The following RSPO2 variants were observed in gnomAD, a reference collection of about 807,000 sequenced individuals.
The protein encoded by RSPO2 is R-spondin 2.
RSPO2 carries 14 observed loss-of-function variants against 30.9 expected under a neutral mutation model. The observed-to-expected ratio is 0.45, with a 90% CI of 0.30 to 0.71. The LOEUF is 0.71. Ranked by LOEUF, RSPO2 falls within the 30% of genes least tolerant of loss-of-function variation. RSPO2 has a pLI of 0.08. For missense variants in RSPO2, 264 were observed against 301.9 expected, an observed-to-expected ratio of 0.87 and a Z score of 0.93; for synonymous variants, 107 against 96.4, an observed-to-expected ratio of 1.11 and a Z score of -0.64.
chr8:107,992,927 C>T (rs1814894350), intron 2 of RSPO2, among the ~76,000 whole-genome samples: 1 of 151,954 alleles, frequency 6.6e-6, no homozygotes, highest in Non-Finnish European at 1.5e-5. Context: ...TTTTTTAAAG[C>T]ATTAACTAAA....
intron 2 of RSPO2, among the ~76,000 whole-genome samples, chr8:108,007,661 C>T (rs1437902048): frequency 1.3e-5 from 2 of 152,110 alleles, no homozygotes; most frequent in Non-Finnish European, 2.9e-5. Context: ...CCATTTCTTC[C>T]TCTTTAAAAA....
chr8:107,981,187 CT>C (rs200552470), intron 3 of RSPO2, among the ~76,000 whole-genome samples: 86 of 151,434 alleles, frequency 5.7e-4, no homozygotes, highest in African/African-American at 9.7e-4. Context: ...AATACCTAGA[CT>C]TTTTTTTTCC....
At chr8:108,057,470 T>TA (rs148832735) in intron 2 of RSPO2, among the ~76,000 whole-genome samples, 3,931 of 152,108 alleles carry the variant, frequency 0.026, 157 homozygotes, top group African/African-American at 0.087. Context: ...TAAGTGGCTA[T>TA]AAAAAAAATC....
chr8:107,918,360 T>C (rs572532746), intron 5 of RSPO2, among the ~76,000 whole-genome samples: 2 of 152,312 alleles, frequency 1.3e-5, no homozygotes, highest in Admixed American at 1.3e-4. Context: ...ATCTGTTTTC[T>C]TTGTAATGGG....
chr8:107,975,897 T>G (rs1350965362), intron 3 of RSPO2, among the ~76,000 whole-genome samples: 3 of 152,204 alleles, frequency 2.0e-5, no homozygotes, highest in Non-Finnish European at 4.4e-5. Context: ...AGATTTGGCA[T>G]GTAATAGTAT....
chr8:108,050,383 C>T (rs1221871300), intron 2 of RSPO2, among the ~76,000 whole-genome samples: 1 of 152,008 alleles, frequency 6.6e-6, no homozygotes, highest in African/African-American at 2.4e-5. Context: ...GAATAATCTC[C>T]TGTTTCTTTC....
intron 3 of RSPO2, among the ~76,000 whole-genome samples, chr8:107,981,187 C>CT (rs200552470): frequency 4.6e-5 from 7 of 151,322 alleles, no homozygotes; most frequent in South Asian, 2.1e-4. Flanking sequence ...AATACCTAGA[C>CT]TTTTTTTTTC....
Position 107,907,652 on chromosome 8 carries a change from C to T in RSPO2, c.617-6462G>A, listed in dbSNP as rs540501339. On this transcript the variant is annotated intron_variant, in intron 5 of 5. Coordinates refer to ENST00000276659, the MANE Select transcript of RSPO2 (RefSeq NM_178565.5). ...GGTGACAACTGTCCAAAATAAATAACGGACAAAATTTACTTCTCTCAACAT... is the reference window on the plus strand; with the variant it reads ...GGTGACAACTGTCCAAAATAAATAATGGACAAAATTTACTTCTCTCAACAT... Among the ~76,000 whole-genome samples the T allele has an allele frequency of 5.3e-5, 8 of 152,112 alleles. No homozygotes were observed. In the South Asian group the frequency reaches 1.0e-3, roughly 20 times the overall value.
intron 2 of RSPO2, among the ~76,000 whole-genome samples, chr8:108,053,658 G>A (rs1352867993): frequency 1.3e-5 from 2 of 152,024 alleles, no homozygotes; most frequent in African/African-American, 4.8e-5. Flanking sequence ...TCTAGTTATA[G>A]GCATGTAACT....
chr8:108,079,898 T>C (rs1319492645), intron 2 of RSPO2, among the ~76,000 whole-genome samples: 1 of 152,208 alleles, frequency 6.6e-6, no homozygotes, highest in Non-Finnish European at 1.5e-5. Context: ...AAGGGAAATG[T>C]TGGTATCACA....
At chr8:107,916,213 A>G (rs1200076363) in intron 5 of RSPO2, among the ~76,000 whole-genome samples, 3 of 152,198 alleles carry the variant, frequency 2.0e-5, no homozygotes, top group African/African-American at 4.8e-5. Flanking sequence ...TTTGGTCTAA[A>G]TTAAGGTCAT....
rs576712263 is a variant in RSPO2 at position 107,902,569 on chromosome 8, A to G, written c.617-1379T>C. ...TCTAGGGAGATACATGAATTAGGAAACCAGAGTCATACAAGGTTAAGGAAG... is the reference window on the plus strand; with the variant it reads ...TCTAGGGAGATACATGAATTAGGAAGCCAGAGTCATACAAGGTTAAGGAAG... On this transcript the variant is annotated intron_variant, in intron 5 of 5. Coordinates refer to ENST00000276659, the MANE Select transcript of RSPO2 (RefSeq NM_178565.5). Among the ~76,000 whole-genome samples, 3 of 152,208 alleles carry G rather than the reference A, an allele frequency of 2.0e-5. No individual in the cohort carries two copies. The South Asian group carries it at 6.2e-4, about 32-fold the overall frequency.
rs549262660 is a variant in RSPO2 at position 107,935,108 on chromosome 8, T to C, written c.616+22972A>G. Among the ~76,000 whole-genome samples, 8 of 152,274 alleles carry C rather than the reference T, an allele frequency of 5.3e-5. No homozygotes were observed. In the East Asian group the frequency reaches 1.6e-3, roughly 30 times the overall value. ...GCCTGCGGGGCGGGACAGAACAGAA[T>C]AGTATTTCTCTTCTTACAAAAGTGA... On this transcript the variant is annotated intron_variant, in intron 5 of 5. Transcript: ENST00000276659.
At chr8:108,038,868 G>A (rs939154741) in intron 2 of RSPO2, among the ~76,000 whole-genome samples, 8 of 152,002 alleles carry the variant, frequency 5.3e-5, no homozygotes, top group Non-Finnish European at 1.0e-4. Context: ...ACATATGCAC[G>A]AAGAAACCAA....
chr8:108,032,911 G>A (rs1288811310), intron 2 of RSPO2, among the ~76,000 whole-genome samples: 3 of 151,790 alleles, frequency 2.0e-5, no homozygotes, highest in Non-Finnish European at 2.9e-5. Context: ...TTAGCCGGGT[G>A]TGGTGGCAGG....
chr8:108,034,369 A>G (rs1811524994), intron 2 of RSPO2, among the ~76,000 whole-genome samples: 1 of 152,142 alleles, frequency 6.6e-6, no homozygotes, highest in Non-Finnish European at 1.5e-5. Context: ...GTATTCAGTG[A>G]CCCTGAGGAA....
intron 5 of RSPO2, among the ~76,000 whole-genome samples, chr8:107,926,102 T>C (rs999027295): frequency 6.6e-6 from 1 of 152,164 alleles, no homozygotes; most frequent in Non-Finnish European, 1.5e-5. Context: ...CCATTCTAAA[T>C]GGTGTGAGAT....
At position 108,083,212 on chromosome 8, in the gene RSPO2, G is replaced by C. The variant is rs1813271177; in HGVS notation, c.-185C>G. 1 of 152,336 alleles carries C rather than the reference G, an allele frequency of 6.6e-6. No homozygotes were observed. Among genetic ancestry groups the C allele is most frequent in the South Asian group, 2.1e-4 (1 of 4,840 alleles). The allele number at this position is 152,336 out of a possible 1,614,324, so 9.4% of individuals were successfully genotyped here. On this transcript the variant is annotated 5_prime_UTR_variant, in exon 1 of 6. Transcript: ENST00000276659. ...GGTTGCCTACCGTGCGCACGTCTCG[G>C]GCGGCGCGGCCTCCCTAGGCGCGGT...
intron 2 of RSPO2, among the ~76,000 whole-genome samples, chr8:108,023,716 A>G (rs1167624163): frequency 6.6e-6 from 1 of 152,154 alleles, no homozygotes; most frequent in Non-Finnish European, 1.5e-5. Flanking sequence ...GGTAATAGAT[A>G]TTAGACAAAC....
Sources: allele counts gnomAD v4.1 joint callset (sites outside exome capture counted in the v4.1 genomes callset), GRCh38; gene constraint gnomAD v4.1.1; transcripts MANE v1.5; gene names NCBI Gene and HGNC (gene_info 2026-07-23, HGNC 2026-07-21).